MYH10: variants seen among roughly 807,000 people sequenced by gnomAD.
MYH10 encodes the protein myosin-10.
Under a neutral mutation model 257.8 loss-of-function variants are expected in MYH10, and 55 were observed. The ratio of observed to expected loss-of-function variants is 0.21; its 90% confidence interval spans 0.17 to 0.27. The LOEUF (loss-of-function observed/expected upper bound fraction) is 0.27, where lower values mean the gene tolerates loss of function less well. Ranked by LOEUF, MYH10 falls within the 10% of genes least tolerant of loss-of-function variation. MYH10 has a pLI of 1.00. For synonymous variants in MYH10, 854 were observed against 921.7 expected, an observed-to-expected ratio of 0.93 and a Z score of 1.33; for missense variants, 1,631 against 2,500.6, an observed-to-expected ratio of 0.65 and a Z score of 7.42.
intron 9 of MYH10, among the ~76,000 whole-genome samples, chr17:8,551,474 G>A (rs2082642787): frequency 6.6e-6 from 1 of 152,148 alleles, no homozygotes; most frequent in African/African-American, 2.4e-5. Flanking sequence ...CTAAATTTGA[G>A]AATCAGAAGA....
Position 8,545,414 on chromosome 17 carries a change from GA to G in MYH10, c.1431+33del. The G allele has an allele frequency of 6.2e-7, 1 of 1,607,066 alleles. No homozygotes were observed. The highest frequency in any genetic ancestry group is 8.5e-7 in the Non-Finnish European group (1 of 1,177,408). On this transcript the variant is annotated intron_variant, in intron 13 of 42. Transcript: ENST00000360416. The surrounding 1 kb of genome is among the most constrained non-coding windows in gnomAD (Gnocchi z 4.7). Reference sequence around the variant, plus strand: ...TATTTGTTAAAAGAACAAACAAAAAGAAGGACGAGCTAGAGGAAGAGGGGGA... The same window carrying G: ...TATTTGTTAAAAGAACAAACAAAAAGAGGACGAGCTAGAGGAAGAGGGGGA...
At chr17:8,509,147 T>C (rs1337458030) in intron 25 of MYH10, among the ~76,000 whole-genome samples, 4 of 152,178 alleles carry the variant, frequency 2.6e-5, no homozygotes, top group Non-Finnish European at 5.9e-5. Context: ...TACCGTACCT[T>C]TTCTATCATA....
At chr17:8,529,152 C>T (rs1246299087) in intron 17 of MYH10, among the ~76,000 whole-genome samples, 1 of 151,880 alleles carries the variant, frequency 6.6e-6, no homozygotes, top group African/African-American at 2.4e-5. Context: ...AAAGAGTGTC[C>T]GTGCTTTAGG....
intron 3 of MYH10, among the ~76,000 whole-genome samples, chr17:8,595,425 C>CTTTTTTTTTTTTTATTTTTTTTTT (rs2084326187): frequency 1.2e-5 from 1 of 84,212 alleles, no homozygotes; most frequent in African/African-American, 5.8e-5. Flanking sequence ...AAGAACAGTT[C>CTTTTTTTTTTTTTATTTTTTTTTT]TTTTTTTTTT....
At chr17:8,510,892 T>TTATAATCTACATACTGTTTA (rs1320031138) in intron 24 of MYH10, among the ~76,000 whole-genome samples, 4 of 151,702 alleles carry the variant, frequency 2.6e-5, no homozygotes, top group Admixed American at 2.0e-4. Context: ...GTGCAGATCT[T>TTATAATCTACATACTGTTTA]TATAATCTAC....
intron 2 of MYH10, among the ~76,000 whole-genome samples, chr17:8,612,508 T>C (rs955919395): frequency 1.3e-5 from 2 of 152,204 alleles, no homozygotes; most frequent in Non-Finnish European, 2.9e-5. Context: ...TCTATTTTAA[T>C]AGTTATTGTT....
intron 17 of MYH10, among the ~76,000 whole-genome samples, chr17:8,523,039 A>T (rs2081710395): frequency 6.6e-6 from 1 of 152,118 alleles, no homozygotes; most frequent in Admixed American, 6.5e-5. Context: ...TGGGATCCCA[A>T]ATCAATTCAT....
At chr17:8,585,284 G>GTATATATATATA (rs1380120586) in intron 4 of MYH10, among the ~76,000 whole-genome samples, 14 of 6,336 alleles carry the variant, frequency 2.2e-3, no homozygotes, top group African/African-American at 2.9e-3. Context: ...GCATGTGTGT[G>GTATATATATATA]TGTGTATATA....
intron 3 of MYH10, among the ~76,000 whole-genome samples, chr17:8,597,016 G>C (rs1331152055): frequency 1.3e-5 from 2 of 152,112 alleles, no homozygotes; most frequent in African/African-American, 2.4e-5. Context: ...TCGTCAAGGG[G>C]GAAAGACCCT....
Position 8,545,943 on chromosome 17 carries a change from C to T in MYH10, c.1279-343G>A, listed in dbSNP as rs2082429198. 6.6e-6 allele frequency among the ~76,000 whole-genome samples: 1 copy of T among 152,126 alleles called. No individual in the cohort carries two copies. The highest frequency in any genetic ancestry group is 2.4e-5 in the African/African-American group (1 of 41,420). On this transcript the variant is annotated intron_variant, in intron 12 of 42. Transcript: ENST00000360416. This position sits in a 1 kb window ranked among gnomAD's most constrained non-coding sequence, Gnocchi z 4.7. ...GCACAAGGACAAGGCGGCAGGGGCC[C>T]TTGTGTTGGTCTGGTTCCCGAAGTA...
intron 30 of MYH10, among the ~76,000 whole-genome samples, chr17:8,496,512 G>A (rs117114315): frequency 0.019 from 2,954 of 152,292 alleles, 50 homozygotes; most frequent in Middle Eastern, 0.044. Context: ...CTACCAGAGG[G>A]GTTGACTGAG....
chr17:8,492,214 A>G, intron 34 of MYH10, 83 bp downstream of exon 34: 1 of 1,363,404 alleles, frequency 7.3e-7, no homozygotes, highest in Non-Finnish European at 1.0e-6. Flanking sequence ...GGCTCCCCTG[A>G]GGAGTCGCCC....
chr17:8,485,587 A>G (rs1914629346), intron 36 of MYH10, among the ~76,000 whole-genome samples: 1 of 152,146 alleles, frequency 6.6e-6, no homozygotes, highest in African/African-American at 2.4e-5. Context: ...CAGCTGTTTA[A>G]CCTCATTAGT....
chr17:8,592,970 T>TATATATATATATA (rs1567953268), intron 3 of MYH10, among the ~76,000 whole-genome samples: 27 of 121,942 alleles, frequency 2.2e-4, no homozygotes, highest in Non-Finnish European at 3.5e-4. Context: ...TATATATATA[T>TATATATATATATA]AAAAGATGAT....
intron 2 of MYH10, among the ~76,000 whole-genome samples, chr17:8,610,638 A>G (rs1444287074): frequency 6.6e-6 from 1 of 152,138 alleles, no homozygotes; most frequent in African/African-American, 2.4e-5. Context: ...ATTAATGCCA[A>G]TTATAAAAGG....
Position 8,535,745 on chromosome 17 carries a change from T to G in MYH10, c.1779+13A>C. 1.2e-6 allele frequency: 2 copies of G among 1,608,704 alleles called. No homozygotes were observed. Among genetic ancestry groups the G allele is most frequent in the South Asian group, 1.1e-5 (1 of 90,572 alleles). ...GCCATTTTAATCCAGTTATTCAACA[T>G]AAGAGCTCTTACCTTCCCTGCATAA... is the stretch of plus-strand genomic sequence containing the variant. On this transcript the variant is annotated intron_variant, in intron 15 of 42. Transcript: ENST00000360416. This position sits in a 1 kb window ranked among gnomAD's most constrained non-coding sequence, Gnocchi z 4.3.
At chr17:8,622,751 G>T in intron 2 of MYH10, 151 bp downstream of exon 2, 1 of 951,288 alleles carries the variant, frequency 1.1e-6, no homozygotes, top group Non-Finnish European at 1.5e-6. Flanking sequence ...ACATGGGTAA[G>T]CAAGCAACAA....
chr17:8,499,195 T>C (rs1370481483), intron 30 of MYH10, 75 bp downstream of exon 30: 2 of 1,461,756 alleles, frequency 1.4e-6, no homozygotes, highest in Admixed American at 3.8e-5. Flanking sequence ...GGTCTCTTAT[T>C]GCACAGAGGG....
In MYH10 at chr17:8,509,913, G is replaced by A; in HGVS notation, c.2989C>T (p.Arg997Trp). Residue 997 changes from arginine (R) to tryptophan (W), a missense_variant, in exon 25 of 43, where the codon CGG (arginine) becomes TGG (tryptophan). Physicochemically the swap from Arg to Trp is moderately radical, Grantham distance 101. Transcript: ENST00000360416. ...EEQLDEEEGA[R>W]QKLQLEKVTA... ...ACCTTTTCCAGCTGCAGCTTTTGCC[G>A]AGCCCCTTCCTCCTCGTCTAGCTGT... is the stretch of plus-strand genomic sequence containing the variant. 4 of 1,612,194 alleles carry A rather than the reference G, an allele frequency of 2.5e-6. No individual in the cohort carries two copies. Among genetic ancestry groups the A allele is most frequent in the Non-Finnish European group, 3.4e-6 (4 of 1,179,096 alleles).
Sources: allele counts gnomAD v4.1 joint callset (sites outside exome capture counted in the v4.1 genomes callset), GRCh38; gene constraint gnomAD v4.1.1; non-coding constraint Gnocchi (gnomAD v3.1); transcripts MANE v1.5; gene names NCBI Gene and HGNC (gene_info 2026-07-23, HGNC 2026-07-21).